MYOM2: variants seen among roughly 807,000 people sequenced by gnomAD.
MYOM2 encodes myomesin 2.
A neutral mutation model predicts 187.6 loss-of-function variants in MYOM2; 254 were observed. That is an observed-to-expected ratio of 1.35 (90% confidence interval 1.22 to 1.50). MYOM2 has a LOEUF of 1.50. MYOM2 is among the 40% of genes most tolerant of loss of function. The pLI is 0.00. For synonymous variants in MYOM2, 981 were observed against 753.8 expected, an observed-to-expected ratio of 1.30 and a Z score of -4.94; for missense variants, 2,796 against 1,924.0, an observed-to-expected ratio of 1.45 and a Z score of -8.48.
chr8:2,096,362 G>A lies in MYOM2; in HGVS notation c.2241G>A (p.Leu747=), dbSNP rs1328977550. ...GCTCGCCCATCCTGGGCTACTACCT[G>A]GACAAGCGTGAAGTTCACCATAAAA... ...SGGSPILGYY[L]DKREVHHKNW... is the part of the protein sequence containing the mutation. Residue 747 remains leucine, a synonymous_variant, in exon 18 of 37, where the codon CTG becomes CTA. Coordinates refer to ENST00000262113, the MANE Select transcript of MYOM2 (RefSeq NM_003970.4). The A allele has an allele frequency of 2.5e-6, 4 of 1,614,060 alleles. No homozygotes were observed. The highest frequency in any genetic ancestry group is 3.4e-6 in the Non-Finnish European group (4 of 1,180,044).
chr8:2,078,661 G>A lies in MYOM2; in HGVS notation c.1263-73G>A. 10 of 1,303,978 alleles carry A rather than the reference G, an allele frequency of 7.7e-6. No homozygotes were observed. In the Admixed American group the frequency reaches 1.2e-4, roughly 15 times the overall value. The allele number at this position is 1,303,978 out of a possible 1,614,324, so 80.8% of individuals were successfully genotyped here. ...TGTTATAATCAGTGTGTGCATATAT[G>A]CATATACCTATGTATATTTAGTAGG... On this transcript the variant is annotated intron_variant, in intron 11 of 36. Transcript: ENST00000262113.
chr8:2,144,829 T>C lies in MYOM2; in HGVS notation c.4246T>C (p.Tyr1416His). 1.2e-6 allele frequency: 2 copies of C among 1,614,100 alleles called. No individual in the cohort carries two copies. The highest frequency in any genetic ancestry group is 1.7e-6 in the Non-Finnish European group (2 of 1,180,020). Residue 1416 changes from tyrosine (Y) to histidine (H), a missense_variant, in exon 37 of 37, where the codon TAC becomes CAC. By Grantham distance (83) the Tyr-to-His change is moderately conservative. Coordinates refer to ENST00000262113, the MANE Select transcript of MYOM2 (RefSeq NM_003970.4). ...KGVTSEDSGK[Y>H]SINIKNKYGG... ...CGTGACCTCCGAGGACTCGGGCAAG[T>C]ACAGCATCAACATCAAGAATAAGTA... is the stretch of plus-strand genomic sequence containing the variant.
chr8:2,057,536 T>G (rs1007497840), intron 4 of MYOM2, 50 bp downstream of exon 4: 117 of 1,613,098 alleles, frequency 7.3e-5, no homozygotes, highest in Non-Finnish European at 9.7e-5. Flanking sequence ...GGACTAGATC[T>G]TAGCTTGTCT....
intron 20 of MYOM2, among the ~76,000 whole-genome samples, chr8:2,101,409 G>A (rs1009788046): frequency 6.6e-6 from 1 of 152,182 alleles, no homozygotes; most frequent in Non-Finnish European, 1.5e-5. Flanking sequence ...ATAAAGGTAA[G>A]TCTTTCGTCT....
intron 32 of MYOM2, among the ~76,000 whole-genome samples, chr8:2,133,213 C>T (rs1260959733): frequency 3.4e-4 from 52 of 152,204 alleles, no homozygotes; most frequent in Admixed American, 3.4e-3. Context: ...TCTTGTGGGG[C>T]TCTTCCCAAA....
At chr8:2,132,486 A>T (rs1797909521) in intron 32 of MYOM2, among the ~76,000 whole-genome samples, 1 of 152,226 alleles carries the variant, frequency 6.6e-6, no homozygotes, top group Admixed American at 6.5e-5. Context: ...TGAGATTAAT[A>T]TATCATCTAG....
chr8:2,104,181 G>C (rs1021742226), intron 21 of MYOM2, among the ~76,000 whole-genome samples: 1 of 152,084 alleles, frequency 6.6e-6, no homozygotes, highest in Admixed American at 6.5e-5. Context: ...TGATTTCAAC[G>C]AATAAAAGTT....
At chr8:2,126,028 G>A (rs1441877119) in intron 31 of MYOM2, among the ~76,000 whole-genome samples, 1 of 152,110 alleles carries the variant, frequency 6.6e-6, no homozygotes, top group Non-Finnish European at 1.5e-5. Context: ...TTATACTCAT[G>A]AAATTATTTT....
chr8:2,128,777 AG>A (rs1365469285), intron 31 of MYOM2, among the ~76,000 whole-genome samples: 3 of 152,156 alleles, frequency 2.0e-5, no homozygotes, highest in Non-Finnish European at 4.4e-5. Flanking sequence ...ACGATAGTTC[AG>A]CTTGGGGTTA....
intron 6 of MYOM2, among the ~76,000 whole-genome samples, chr8:2,068,188 G>A (rs951078412): frequency 2.6e-5 from 4 of 151,978 alleles, no homozygotes; most frequent in East Asian, 1.9e-4. Context: ...ACACCAGGCC[G>A]AGAGCATCCT....
At chr8:2,128,337 C>T (rs1387868307) in intron 31 of MYOM2, among the ~76,000 whole-genome samples, 1 of 152,134 alleles carries the variant, frequency 6.6e-6, no homozygotes, top group Non-Finnish European at 1.5e-5. Context: ...TTTAAAATGC[C>T]TCTTTGTTAC....
chr8:2,098,550 G>A (rs926333900), intron 18 of MYOM2, among the ~76,000 whole-genome samples: 1 of 152,114 alleles, frequency 6.6e-6, no homozygotes, highest in Non-Finnish European at 1.5e-5. Context: ...CGCCTCTCTG[G>A]GCCTCAGTTT....
Position 2,052,178 on chromosome 8 carries a change from C to T in MYOM2, c.128C>T (p.Ser43Phe). The change falls in exon 3 of 37, where the codon TCT (serine) becomes TTT (phenylalanine). Residue 43 changes from serine to phenylalanine, a missense_variant. Ser to Phe is a radical substitution (Grantham distance 155, BLOSUM62 -2). Transcript: ENST00000262113. ...ASKKRASTQA[S>F]SQKSLSQRSS... is the part of the protein sequence containing the mutation. ...TGAAGGCGAGCTTCCACCCAGGCAT[C>T]TTCCCAGAAGTCCTTGAGTCAGCGG... 8 of 1,613,452 alleles carry T rather than the reference C, an allele frequency of 5.0e-6. No individual in the cohort carries two copies. Among genetic ancestry groups the T allele is most frequent in the Non-Finnish European group, 6.8e-6 (8 of 1,179,758 alleles).
chr8:2,079,706 TG>T, intron 13 of MYOM2, 93 bp downstream of exon 13: 1 of 1,310,754 alleles, frequency 7.6e-7, no homozygotes, highest in Non-Finnish European at 1.1e-6. Context: ...CGCCCCCTAC[TG>T]GGCACGGCCT....
chr8:2,119,505 T>G (rs917591554), intron 28 of MYOM2: 24 of 153,390 alleles, frequency 1.6e-4, no homozygotes, highest in African/African-American at 5.6e-4. Context: ...CAGGGACAGC[T>G]GGAGGCAGCA....
At chr8:2,091,510 C>T (rs374374357) in intron 15 of MYOM2, among the ~76,000 whole-genome samples, 19 of 152,180 alleles carry the variant, frequency 1.2e-4, no homozygotes, top group Non-Finnish European at 2.1e-4. Flanking sequence ...GAAGCCTTCA[C>T]GGGAGGCACA....
rs752532243 is a variant in MYOM2, at chr8:2,090,102, C to G, written c.1739C>G (p.Ser580Cys). The stretch of plus-strand genomic sequence containing the variant: ...GTGTTTGACCTCATGGAAGGGAAGT[C>G]TTATGTGTTCCGAGTGCTGTCAGCA... ...YAVFDLMEGKSYVFRVLSANR... is the reference protein window; with the variant it reads ...YAVFDLMEGKCYVFRVLSANR... The change falls in exon 15 of 37, where the codon TCT becomes TGT. Residue 580 changes from serine to cysteine, a missense_variant. Coordinates refer to ENST00000262113, the MANE Select transcript of MYOM2 (RefSeq NM_003970.4). The G allele has an allele frequency of 2.5e-6, 4 of 1,613,920 alleles. No individual in the cohort carries two copies. Among genetic ancestry groups the G allele is most frequent in the African/African-American group, 1.3e-5 (1 of 74,874 alleles).
intron 25 of MYOM2, among the ~76,000 whole-genome samples, 167 bp downstream of exon 25, chr8:2,109,698 A>G (rs554950773): frequency 3.3e-5 from 5 of 152,160 alleles, no homozygotes; most frequent in Non-Finnish European, 7.4e-5. Context: ...GATTCTTACA[A>G]TGTTCAAAGG....
intron 21 of MYOM2, among the ~76,000 whole-genome samples, chr8:2,104,341 G>A (rs1439789231): frequency 1.3e-5 from 2 of 152,118 alleles, no homozygotes; most frequent in Admixed American, 1.3e-4. Context: ...GGTGGCTCAC[G>A]CCTGTAATCC....
Sources: allele counts gnomAD v4.1 joint callset (sites outside exome capture counted in the v4.1 genomes callset), GRCh38; gene constraint gnomAD v4.1.1; transcripts MANE v1.5; gene names NCBI Gene and HGNC (gene_info 2026-07-23, HGNC 2026-07-21).